Variants in ZNF496 observed in about 807,000 individuals in gnomAD.
ZNF496 encodes zinc finger protein 496, also known as NSD1 (nuclear receptor binding SET-domain containing 1)-interacting zinc finger protein 1.
ZNF496 carries 11 observed loss-of-function variants against 58.9 expected under a neutral mutation model. That is an observed-to-expected ratio of 0.19 (90% confidence interval 0.12 to 0.31). The LOEUF is 0.31. ZNF496 is among the 10% of genes least tolerant of loss of function. The pLI is 1.00. For synonymous variants in ZNF496, 338 were observed against 318.2 expected, an observed-to-expected ratio of 1.06 and a Z score of -0.66; for missense variants, 660 against 783.0, an observed-to-expected ratio of 0.84 and a Z score of 1.88.
chr1:247,319,277 G>A (rs368571823), intron 6 of ZNF496, among the ~76,000 whole-genome samples: 3 of 152,272 alleles, frequency 2.0e-5, no homozygotes, highest in South Asian at 2.1e-4. Context: ...CACAAGCCAC[G>A]GTGCCCGAAC....
chr1:247,321,965 C>A (rs1445644503), intron 6 of ZNF496, among the ~76,000 whole-genome samples: 1 of 152,154 alleles, frequency 6.6e-6, no homozygotes. Flanking sequence ...CCTTCCCATC[C>A]CTAGCCCTCC....
intron 9 of ZNF496, among the ~76,000 whole-genome samples, chr1:247,301,593 G>A (rs11589840): frequency 9.9e-5 from 15 of 152,148 alleles, no homozygotes; most frequent in African/African-American, 3.6e-4. Context: ...CCAAGCTCTA[G>A]GAGTCTGTAT....
chr1:247,305,634 C>T (rs949793450), intron 9 of ZNF496, among the ~76,000 whole-genome samples: 7 of 152,086 alleles, frequency 4.6e-5, no homozygotes, highest in Non-Finnish European at 8.8e-5. Flanking sequence ...GCAGGGGAGA[C>T]TAGGAAGCTG....
intron 6 of ZNF496, among the ~76,000 whole-genome samples, chr1:247,320,638 G>A (rs1176026282): frequency 1.3e-5 from 2 of 152,082 alleles, no homozygotes; most frequent in Non-Finnish European, 2.9e-5. Context: ...TTTTACTATT[G>A]AGGGTTTAAA....
rs200419992 is a variant in ZNF496 at position 247,327,780 on chromosome 1, A to G, written c.574+903T>C. On this transcript the variant is annotated intron_variant, in intron 5 of 9. Coordinates refer to ENST00000682384, the MANE Select transcript of ZNF496 (RefSeq NM_032752.3). The stretch of plus-strand genomic sequence containing the variant: ...CTTTCCATTGTACCTATAGAGCACT[A>G]TGGCAAGTCCACCCAGAGTCATAAG... Among the ~76,000 whole-genome samples, 184 of 76,766 alleles carry G rather than the reference A, an allele frequency of 2.4e-3. 2 individuals carry two copies. Among genetic ancestry groups the G allele is most frequent in the East Asian group, 0.011 (17 of 1,596 alleles). The allele number at this position is 76,766 out of a possible 152,430, so 50.4% of individuals were successfully genotyped here.
intron 6 of ZNF496, among the ~76,000 whole-genome samples, chr1:247,318,748 T>A (rs1436178123): frequency 6.6e-6 from 1 of 152,164 alleles, no homozygotes; most frequent in Non-Finnish European, 1.5e-5. Context: ...AGAAACACTC[T>A]AAACAAAAAG....
chr1:247,326,568 C>A (rs1335573904), intron 5 of ZNF496, among the ~76,000 whole-genome samples: 1 of 152,168 alleles, frequency 6.6e-6, no homozygotes, highest in Non-Finnish European at 1.5e-5. Flanking sequence ...CACAGCCCCC[C>A]ACTTCCTGCA....
In ZNF496 at chr1:247,329,593, G is replaced by C. The variant is rs376821722; in HGVS notation, c.-15C>G. 6.5e-6 allele frequency: 10 copies of C among 1,532,254 alleles called. No individual in the cohort carries two copies. The highest frequency in any genetic ancestry group is 8.7e-6 in the Non-Finnish European group (10 of 1,144,770). The allele number at this position is 1,532,254 out of a possible 1,614,324, so 94.9% of individuals were successfully genotyped here. On this transcript the variant is annotated 5_prime_UTR_variant, in exon 4 of 10. Transcript: ENST00000682384. The surrounding 1 kb of genome is among the most constrained non-coding windows in gnomAD (Gnocchi z 5.5). Reference sequence around the variant, plus strand: ...GCTGTGGGCATGATGGGATTTGATGGGGGTCAGCAGCAGAAGACGACCCTA... The same window carrying C: ...GCTGTGGGCATGATGGGATTTGATGCGGGTCAGCAGCAGAAGACGACCCTA...
chr1:247,307,159 G>A (rs761408499), intron 9 of ZNF496: 3 of 985,446 alleles, frequency 3.0e-6, no homozygotes, highest in Non-Finnish European at 3.6e-6. Context: ...TCCTGCGTGG[G>A]CATGGATATA....
intron 6 of ZNF496, chr1:247,313,956 A>T (rs947067004): frequency 1.3e-5 from 2 of 152,196 alleles, no homozygotes; most frequent in Admixed American, 6.5e-5. Context: ...GCTTCTCAAG[A>T]GGTTCCTGGG....
intron 6 of ZNF496, chr1:247,312,248 G>A (rs541135943): frequency 2.0e-5 from 3 of 152,266 alleles, no homozygotes; most frequent in South Asian, 4.1e-4. Context: ...TGGCCCGTAA[G>A]TTCTACCTTC....
At chr1:247,307,800 C>CAA in intron 9 of ZNF496, 7 of 985,384 alleles carry the variant, frequency 7.1e-6, no homozygotes, top group Non-Finnish European at 7.2e-6. Context: ...AGGTAAGAAT[C>CAA]AGAGGCTTGG....
chr1:247,318,977 A>G (rs1344468141), intron 6 of ZNF496, among the ~76,000 whole-genome samples: 4 of 151,004 alleles, frequency 2.6e-5, no homozygotes, highest in Non-Finnish European at 5.9e-5. Flanking sequence ...GAGGTATATT[A>G]TATTTCTTTC....
In ZNF496 at chr1:247,329,112, G is replaced by C; in HGVS notation, c.390+77C>G. ...TCTCGATGGAACTCCTCATTCCCCAGCCAGCACATGCATGGCCCAGCCAAA... is the reference window on the plus strand; with the variant it reads ...TCTCGATGGAACTCCTCATTCCCCACCCAGCACATGCATGGCCCAGCCAAA... On this transcript the variant is annotated intron_variant, in intron 4 of 9. Coordinates refer to ENST00000682384, the MANE Select transcript of ZNF496 (RefSeq NM_032752.3). This position sits in a 1 kb window ranked among gnomAD's most constrained non-coding sequence, Gnocchi z 5.5. The C allele has an allele frequency of 6.3e-7, 1 of 1,599,386 alleles. No individual in the cohort carries two copies.
intron 6 of ZNF496, among the ~76,000 whole-genome samples, chr1:247,316,406 A>G (rs1319376741): frequency 6.6e-6 from 1 of 152,090 alleles, no homozygotes; most frequent in Non-Finnish European, 1.5e-5. Context: ...ATGTGGCAGT[A>G]TTGAAAGGTG....
chr1:247,328,460 C>T (rs568891147), intron 5 of ZNF496, among the ~76,000 whole-genome samples: 26 of 152,314 alleles, frequency 1.7e-4, no homozygotes, highest in Admixed American at 1.2e-3. Flanking sequence ...AGCGTTAGCT[C>T]TGAGAGGCTC....
chr1:247,329,709 G>A lies in ZNF496; in HGVS notation c.-37-94C>T, dbSNP rs527354373. ...CAAGGAAACTGTCAATGCCCTCAGAGACCAGCCCTTTGGAGAAGCCCTGGG... is the reference window on the plus strand; with the variant it reads ...CAAGGAAACTGTCAATGCCCTCAGAAACCAGCCCTTTGGAGAAGCCCTGGG... On this transcript the variant is annotated intron_variant, in intron 3 of 9. Coordinates refer to ENST00000682384, the MANE Select transcript of ZNF496 (RefSeq NM_032752.3). This position sits in a 1 kb window ranked among gnomAD's most constrained non-coding sequence, Gnocchi z 5.5. The A allele has an allele frequency of 2.4e-5, 30 of 1,226,326 alleles. No homozygotes were observed. The African/African-American group carries it at 4.4e-4, about 18-fold the overall frequency. The allele number at this position is 1,226,326 out of a possible 1,614,324, so 76.0% of individuals were successfully genotyped here.
chr1:247,308,785 A>G lies in ZNF496; in HGVS notation c.893-197T>C. 1.8e-6 allele frequency: 1 copy of G among 553,024 alleles called. No individual in the cohort carries two copies. Among genetic ancestry groups the G allele is most frequent in the Non-Finnish European group, 3.3e-6 (1 of 307,266 alleles). The allele number at this position is 553,024 out of a possible 1,614,324, so 34.3% of individuals were successfully genotyped here. A position where few individuals can be genotyped will look rare whatever the true frequency, so the allele number is the denominator to read the frequency against. The stretch of plus-strand genomic sequence containing the variant: ...AAGGCAAAATGGGCCAACTCCACAA[A>G]CATGAGCTCTGACGCTAGACAGAAT... On this transcript the variant is annotated intron_variant, in intron 8 of 9. Coordinates refer to ENST00000682384, the MANE Select transcript of ZNF496 (RefSeq NM_032752.3). The surrounding 1 kb of genome is among the most constrained non-coding windows in gnomAD (Gnocchi z 4.5).
intron 9 of ZNF496, 53 bp from the exon 10 acceptor site, chr1:247,301,329 C>T: frequency 6.7e-7 from 1 of 1,482,120 alleles, no homozygotes; most frequent in Non-Finnish European, 8.9e-7. Context: ...ACATCCCAGC[C>T]CCTATGACCG....
Sources: gnomAD v4.1 joint callset for allele counts (sites outside exome capture counted in the v4.1 genomes callset) on GRCh38, gnomAD v4.1.1 for gene constraint, Gnocchi (gnomAD v3.1) non-coding constraint, MANE v1.5 for transcripts, NCBI Gene and HGNC (gene_info 2026-07-23, HGNC 2026-07-21) for gene names.